The following ANKRD27 variants were observed in gnomAD, a reference collection of about 807,000 sequenced individuals.
The protein encoded by ANKRD27 is ankyrin repeat domain 27.
ANKRD27 carries 112 observed loss-of-function variants against 129.7 expected under a neutral mutation model. The ratio of observed to expected loss-of-function variants is 0.86; its 90% CI spans 0.74 to 1.01. The LOEUF (loss-of-function observed/expected upper bound fraction) is 1.01. ANKRD27 is among the 50% of genes least tolerant of loss of function. ANKRD27 has a pLI of 0.00. For missense variants in ANKRD27, 1,258 were observed against 1,300.5 expected, an observed-to-expected ratio of 0.97 and a Z score of 0.50; for synonymous variants, 516 against 511.2, an observed-to-expected ratio of 1.01 and a Z score of -0.13.
chr19:32,631,865 G>C (rs8110840), intron 12 of ANKRD27, among the ~76,000 whole-genome samples: 107,525 of 152,194 alleles, frequency 0.71, 38,656 homozygotes, highest in African/African-American at 0.84. Context: ...AATGCCTGCA[G>C]AGCCCAATTC....
At chr19:32,622,667 C>T (rs374985702) in intron 17 of ANKRD27, 48 bp from the exon 18 acceptor site, 2 of 1,591,960 alleles carry the variant, frequency 1.3e-6, no homozygotes, top group East Asian at 4.5e-5. Flanking sequence ...TACCAAGCCT[C>T]GACAAGGTCC....
intron 1 of ANKRD27, among the ~76,000 whole-genome samples, chr19:32,669,095 G>A (rs1424076722): frequency 1.3e-5 from 2 of 152,176 alleles, no homozygotes; most frequent in Non-Finnish European, 2.9e-5. Flanking sequence ...TACAGCGTGA[G>A]CAACCATGCC....
At chr19:32,642,199 GGCC>G in intron 9 of ANKRD27, 54 bp from the exon 10 acceptor site, 1 of 1,404,584 alleles carries the variant, frequency 7.1e-7, no homozygotes, top group Non-Finnish European at 9.4e-7. Context: ...AGAACCCTCT[GGCC>G]TGGATCTAAG....
intron 14 of ANKRD27, among the ~76,000 whole-genome samples, 180 bp from the exon 15 acceptor site, chr19:32,628,345 C>T (rs1216147068): frequency 1.3e-5 from 2 of 152,304 alleles, no homozygotes; most frequent in African/African-American, 4.8e-5. Flanking sequence ...GGCACCTGGC[C>T]CTGGAGTCTC....
In ANKRD27 at chr19:32,598,384, GAA is replaced by G; in HGVS notation, c.2920-8_2920-7del. ...GTGACACTTTGCCTCCCTGGCTAAA[GAA>G]AAAGTACATTTTTAACCGTTGACGT... On this transcript the variant is annotated splice_polypyrimidine_tract_variant and splice_region_variant and intron_variant, in intron 28 of 28. Transcript: ENST00000306065. 2 of 1,613,888 alleles carry G rather than the reference GAA, an allele frequency of 1.2e-6. No individual in the cohort carries two copies. The highest frequency in any genetic ancestry group is 2.2e-5 in the South Asian group (2 of 91,068).
chr19:32,605,949 C>T lies in ANKRD27; in HGVS notation c.2379G>A (p.Val793=). 1 of 1,613,612 alleles carries T rather than the reference C, an allele frequency of 6.2e-7. No individual in the cohort carries two copies. Among genetic ancestry groups the T allele is most frequent in the Non-Finnish European group, 8.5e-7 (1 of 1,179,800 alleles). ...LACQQGHFQV[V]KCLLDSNAKP... is the part of the protein sequence containing the mutation. ...TTGCATTCGAATCTAACAGACACTT[C>T]ACCACCTGGGCCAGAGAAGGAAAAC... is the stretch of plus-strand genomic sequence containing the variant. The change falls in exon 24 of 29, where the codon GTG becomes GTA. Residue 793 remains valine, a synonymous_variant. Transcript: ENST00000306065.
Position 32,613,289 on chromosome 19 carries a change from G to A in ANKRD27, c.2175+2369C>T, listed in dbSNP as rs373897211. On this transcript the variant is annotated intron_variant, in intron 22 of 28. Coordinates refer to ENST00000306065, the MANE Select transcript of ANKRD27 (RefSeq NM_032139.3). ...TAATGACCACACCCAGTGCTGGGGAGGACGAGGAGGAACTGGATCACTCAT... is the reference window on the plus strand; with the variant it reads ...TAATGACCACACCCAGTGCTGGGGAAGACGAGGAGGAACTGGATCACTCAT... Among the ~76,000 whole-genome samples, 4 of 152,294 alleles carry A rather than the reference G, an allele frequency of 2.6e-5. No homozygotes were observed. In the South Asian group the frequency reaches 8.3e-4, roughly 32 times the overall value.
At position 32,628,083 on chromosome 19, in the gene ANKRD27, C is replaced by T. The variant is rs1347975139; in HGVS notation, c.1420G>A (p.Gly474Arg). ...HTPLHVAAVC[G>R]QASLIDLLVS... ...TAGGGGCCAGCCCAGGACCACATAC[C>T]ACAGACAGCAGCCACATGGAGAGGG... The change falls in exon 15 of 29, where the codon GGG (glycine) becomes AGG (arginine). Residue 474 changes from glycine (G) to arginine (R), a missense_variant and splice_region_variant. Coordinates refer to ENST00000306065, the MANE Select transcript of ANKRD27 (RefSeq NM_032139.3). 1.2e-6 allele frequency: 2 copies of T among 1,614,110 alleles called. No individual in the cohort carries two copies. Among genetic ancestry groups the T allele is most frequent in the Admixed American group, 3.3e-5 (2 of 60,020 alleles).
intron 12 of ANKRD27, among the ~76,000 whole-genome samples, chr19:32,634,581 T>G (rs1042778638): frequency 6.6e-6 from 1 of 152,158 alleles, no homozygotes; most frequent in African/African-American, 2.4e-5. Flanking sequence ...ACACCCCAGA[T>G]GCAGAGACAA....
rs1271826497 is a variant in ANKRD27, at chr19:32,598,265, A to G, written c.3033T>C (p.Thr1011=). The G allele has an allele frequency of 3.1e-6, 5 of 1,614,178 alleles. No individual in the cohort carries two copies. The highest frequency in any genetic ancestry group is 2.7e-5 in the African/African-American group (2 of 75,038). Residue 1011 remains threonine (T), a synonymous_variant, in exon 29 of 29, where the codon ACT becomes ACC. Transcript: ENST00000306065. ...GCAGCATCCGTCTGTGTCCAGGGCC[A>G]GTCTGTGTCAGTCCAGGCCTCTCTG... The part of the protein sequence containing the change: ...DWPERPGLTQ[T]GPGHRRMLRR...
At chr19:32,637,412 T>C (rs1027268843) in intron 12 of ANKRD27, 4 of 152,176 alleles carry the variant, frequency 2.6e-5, no homozygotes, top group African/African-American at 9.7e-5. Flanking sequence ...AGAAATATAA[T>C]CACATCCCCT....
At chr19:32,613,870 A>G (rs377555) in intron 22 of ANKRD27, among the ~76,000 whole-genome samples, 88,727 of 151,796 alleles carry the variant, frequency 0.58, 27,039 homozygotes, top group Non-Finnish European at 0.69. Flanking sequence ...CACCACGCCC[A>G]GCTAATTTTT....
In ANKRD27 at chr19:32,629,617, T is replaced by C. The variant is rs562031599; in HGVS notation, c.1210-768A>G. ...CGGGAGGCTGAGGCAGGAGAATCAC[T>C]TGAACCCGGGAGATGGAGGTTGCAG... On this transcript the variant is annotated intron_variant, in intron 13 of 28. Coordinates refer to ENST00000306065, the MANE Select transcript of ANKRD27 (RefSeq NM_032139.3). Among the ~76,000 whole-genome samples, 9 of 152,182 alleles carry C rather than the reference T, an allele frequency of 5.9e-5. No individual in the cohort carries two copies. In the South Asian group the frequency reaches 1.9e-3, roughly 32 times the overall value.
Position 32,649,667 on chromosome 19 carries a change from C to T in ANKRD27, c.213+15G>A. 6.4e-7 allele frequency: 1 copy of T among 1,572,824 alleles called. No individual in the cohort carries two copies. Among genetic ancestry groups the T allele is most frequent in the Non-Finnish European group, 8.8e-7 (1 of 1,142,738 alleles). On this transcript the variant is annotated intron_variant, in intron 3 of 28. Transcript: ENST00000306065. ...CGAGTAGGTGACCCTGGCTGATCCACCAAGAAATGAATACCTTTCCATTTA... is the reference window on the plus strand; with the variant it reads ...CGAGTAGGTGACCCTGGCTGATCCATCAAGAAATGAATACCTTTCCATTTA...
Position 32,604,294 on chromosome 19 carries a change from C to A in ANKRD27, c.2624G>T (p.Arg875Leu), listed in dbSNP as rs145676546. ...HGASVQVLNK[R>L]QRTAVDCAEQ... ...AGCACAGTCTACAGCCGTGCGCTGC[C>A]GCTTGTTCAGCACCTGAACTGACGC... Residue 875 changes from arginine to leucine, a missense_variant, in exon 25 of 29, where the codon CGG becomes CTG. Coordinates refer to ENST00000306065, the MANE Select transcript of ANKRD27 (RefSeq NM_032139.3). The A allele has an allele frequency of 7.4e-6, 12 of 1,613,576 alleles. No homozygotes were observed. Among genetic ancestry groups the A allele is most frequent in the Non-Finnish European group, 1.0e-5 (12 of 1,179,982 alleles).
rs1226243644 is a variant in ANKRD27 at position 32,597,953 on chromosome 19, G to A, written c.*192C>T. On this transcript the variant is annotated 3_prime_UTR_variant, in exon 29 of 29. Coordinates refer to ENST00000306065, the MANE Select transcript of ANKRD27 (RefSeq NM_032139.3). ...AATTGTATTCATTAGCTTTGAAGAG[G>A]AGAGAGATGGTGGTGGTTAACTTTT... is the stretch of plus-strand genomic sequence containing the variant. The A allele has an allele frequency of 3.3e-6, 2 of 599,748 alleles. No homozygotes were observed. The highest frequency in any genetic ancestry group is 2.8e-5 in the East Asian group (1 of 36,014). 37.2% of individuals were successfully genotyped at this position (599,748 alleles called of 1,614,324 possible). A position where few individuals can be genotyped will look rare whatever the true frequency, so the allele number is the denominator to read the frequency against.
chr19:32,642,209 T>TTTG, intron 9 of ANKRD27, 64 bp from the exon 10 acceptor site: 2 of 1,344,134 alleles, frequency 1.5e-6, no homozygotes, highest in Non-Finnish European at 1.9e-6. Flanking sequence ...GGCCTGGATC[T>TTTG]AAGAACACAT....
In ANKRD27 at chr19:32,616,277, G is replaced by T. The variant is rs140430361; in HGVS notation, c.2053-497C>A. On this transcript the variant is annotated intron_variant, in intron 21 of 28. Transcript: ENST00000306065. ...CATTAAAAGTGGAAGATACGGGCAG[G>T]CATGGTGGCTCACGCCTGTAATCCC... Among the ~76,000 whole-genome samples, 528 of 152,282 alleles carry T rather than the reference G, an allele frequency of 3.5e-3. 1 individual carries two copies. The highest frequency in any genetic ancestry group is 0.024 in the Middle Eastern group (7 of 294).
chr19:32,644,224 TGAGGCAGCAC>T (rs1357543447), intron 5 of ANKRD27, 91 bp downstream of exon 5: 1 of 1,323,408 alleles, frequency 7.6e-7, no homozygotes, highest in Non-Finnish European at 1.0e-6. Context: ...CTTCAAACAG[TGAGGCAGCAC>T]CAGGCAGTTC....
Sources: allele counts gnomAD v4.1 joint callset (sites outside exome capture counted in the v4.1 genomes callset), GRCh38; gene constraint gnomAD v4.1.1; transcripts MANE v1.5; gene names NCBI Gene and HGNC (gene_info 2026-07-23, HGNC 2026-07-21).